CFAP52: variants seen among roughly 807,000 people sequenced by gnomAD.
CFAP52 encodes the protein cilia and flagella associated protein 52.
CFAP52 carries 57 observed loss-of-function variants against 70.5 expected under a neutral mutation model. The ratio of observed to expected loss-of-function variants is 0.81; its 90% CI spans 0.65 to 1.01. The LOEUF (loss-of-function observed/expected upper bound fraction) is 1.01, where lower values mean the gene tolerates loss of function less well. Among genes scored for constraint, CFAP52 ranks in the 50% least tolerant of loss-of-function variants. CFAP52 has a pLI of 0.00. For missense variants in CFAP52, 785 were observed against 788.5 expected, an observed-to-expected ratio of 1.00 and a Z score of 0.05; for synonymous variants, 267 against 292.5, an observed-to-expected ratio of 0.91 and a Z score of 0.89.
In CFAP52 at chr17:9,612,358, G is replaced by A; in HGVS notation, c.904G>A (p.Gly302Arg). 1 of 1,614,188 alleles carries A rather than the reference G, an allele frequency of 6.2e-7. No homozygotes were observed. Reference protein sequence around the residue: ...GITSITLRGEGHQFLVGTEES... With the variant: ...GITSITLRGERHQFLVGTEES... ...CACTTCTATCACACTTCGAGGAGAAGGACACCAGTTTCTCGTAGGAACAGA... is the reference window on the plus strand; with the variant it reads ...CACTTCTATCACACTTCGAGGAGAAAGACACCAGTTTCTCGTAGGAACAGA... Residue 302 changes from glycine (G) to arginine (R), a missense_variant, in exon 8 of 14, where the codon GGA becomes AGA. Coordinates refer to ENST00000352665, the MANE Select transcript of CFAP52 (RefSeq NM_145054.5).
downstream of CFAP52, chr17:9,645,445 T>C: frequency 2.5e-6 from 1 of 403,386 alleles, no homozygotes; most frequent in Admixed American, 5.2e-5. The surrounding 1 kb of genome is among the most constrained non-coding windows in gnomAD (Gnocchi z 6.8). Flanking sequence ...TGGAGGGGGC[T>C]GGTCGTGCCG....
At chr17:9,579,592 G>C (rs1388190636) in intron 1 of CFAP52, among the ~76,000 whole-genome samples, 1 of 152,094 alleles carries the variant, frequency 6.6e-6, no homozygotes, top group Non-Finnish European at 1.5e-5. Flanking sequence ...TTTTGAGATG[G>C]AGTCTCACCC....
At chr17:9,586,577 AAAAAAAAAG>A in intron 2 of CFAP52, 112 bp from the exon 3 acceptor site, 1 of 1,343,322 alleles carries the variant, frequency 7.4e-7, no homozygotes, top group African/African-American at 1.5e-5. Flanking sequence ...ACAAAAAAAA[AAAAAAAAAG>A]AAAGAAAAAA....
chr17:9,645,140 C>G (rs1439599974), downstream of CFAP52: 2 of 153,074 alleles, frequency 1.3e-5, no homozygotes, highest in Non-Finnish European at 2.9e-5. The surrounding 1 kb of genome is among the most constrained non-coding windows in gnomAD (Gnocchi z 6.8). Context: ...TCCCCACCCC[C>G]ACACAGCGCC....
intron 3 of CFAP52, among the ~76,000 whole-genome samples, chr17:9,591,059 T>G (rs1002885029): frequency 1.9e-5 from 2 of 102,586 alleles, no homozygotes; most frequent in Non-Finnish European, 3.7e-5. Context: ...TTTTTTGAGA[T>G]GGAGTTTCAC....
chr17:9,594,161 C>CTTT, intron 3 of CFAP52, 32 bp from the exon 4 acceptor site: 2 of 1,183,568 alleles, frequency 1.7e-6, no homozygotes, highest in Non-Finnish European at 2.3e-6. Flanking sequence ...TTCTCTTTGA[C>CTTT]TTTTTTTTTT....
chr17:9,623,613 T>C (rs2151945884), intron 8 of CFAP52, among the ~76,000 whole-genome samples: 2 of 152,332 alleles, frequency 1.3e-5, no homozygotes, highest in East Asian at 1.9e-4. Flanking sequence ...TTCTTTCTTA[T>C]ATATCTAAGT....
intron 8 of CFAP52, among the ~76,000 whole-genome samples, chr17:9,625,982 A>G (rs1371516332): frequency 6.6e-6 from 1 of 152,160 alleles, no homozygotes; most frequent in Non-Finnish European, 1.5e-5. Flanking sequence ...TGTATTGTTA[A>G]GGGCAAAATT....
chr17:9,595,161 T>C (rs988793567), intron 4 of CFAP52, among the ~76,000 whole-genome samples: 2 of 152,196 alleles, frequency 1.3e-5, no homozygotes, highest in African/African-American at 2.4e-5. Flanking sequence ...AGGTTAAATA[T>C]GAATTTTAGA....
intron 4 of CFAP52, among the ~76,000 whole-genome samples, chr17:9,596,057 G>GTGTA (rs1555541588): frequency 0.014 from 1,477 of 103,444 alleles, 35 homozygotes; most frequent in East Asian, 0.069. Flanking sequence ...ATATATGTGT[G>GTGTA]TGTATATATA....
rs188939658 is a variant in CFAP52, at chr17:9,576,894, G to C, written c.70+129G>C. ...GACAACGGCAGGAGCCCTGGCCAGG[G>C]ACACGCACAGGAGGACCCGCACAGC... On this transcript the variant is annotated intron_variant, in intron 1 of 13. Transcript: ENST00000352665. The C allele has an allele frequency of 3.8e-3, 3,624 of 963,282 alleles. 10 individuals are homozygous for C. The highest frequency in any genetic ancestry group is 5.0e-3 in the Non-Finnish European group (3,348 of 671,678). The allele number at this position is 963,282 out of a possible 1,614,324, so 59.7% of individuals were successfully genotyped here.
chr17:9,625,130 C>G (rs1387183428), intron 8 of CFAP52, among the ~76,000 whole-genome samples: 2 of 151,866 alleles, frequency 1.3e-5, no homozygotes, highest in African/African-American at 2.4e-5. Context: ...AACAAAAAAG[C>G]AACAAACAAA....
At position 9,604,864 on chromosome 17, in the gene CFAP52, C is replaced by T. The variant is rs1043972643; in HGVS notation, c.754-3255C>T. ...AAGATACTCTATGTCTTATATCAGC[C>T]GGGAAATGTAATTAAAACAGCAATG... is the stretch of plus-strand genomic sequence containing the variant. On this transcript the variant is annotated intron_variant, in intron 6 of 13. Transcript: ENST00000352665. 5.3e-5 allele frequency among the ~76,000 whole-genome samples: 8 copies of T among 151,992 alleles called. No homozygotes were observed. The South Asian group carries it at 6.2e-4, about 12-fold the overall frequency.
At chr17:9,630,522 C>A (rs1474137268) in intron 9 of CFAP52, among the ~76,000 whole-genome samples, 2 of 149,318 alleles carry the variant, frequency 1.3e-5, no homozygotes, top group African/African-American at 5.0e-5. Context: ...CTCCGCCTCC[C>A]GGGTTCACGC....
At chr17:9,640,785 A>T (rs1013191716) in intron 12 of CFAP52, among the ~76,000 whole-genome samples, 3 of 152,098 alleles carry the variant, frequency 2.0e-5, no homozygotes, top group African/African-American at 7.2e-5. Flanking sequence ...CTGGCACTAC[A>T]GGTGTGTGCC....
chr17:9,579,798 C>T (rs1597757666), intron 1 of CFAP52, among the ~76,000 whole-genome samples: 1 of 152,188 alleles, frequency 6.6e-6, no homozygotes, highest in Admixed American at 6.5e-5. Context: ...GAACTCCTGA[C>T]CTCAGGTGAT....
chr17:9,598,217 T>TG lies in CFAP52; in HGVS notation c.537-17_537-16insG, dbSNP rs1026748278. On this transcript the variant is annotated splice_polypyrimidine_tract_variant and intron_variant, in intron 4 of 13. Transcript: ENST00000352665. Reference sequence around the variant, plus strand: ...TGTCCATTTGATTGTGGTTTTTTGTTTTTTTTTTTTACATAGTGGGACAAT... The same window carrying TG: ...TGTCCATTTGATTGTGGTTTTTTGTTGTTTTTTTTTTACATAGTGGGACAAT... 6.0e-6 allele frequency: 9 copies of TG among 1,511,560 alleles called. No individual in the cohort carries two copies. The highest frequency in any genetic ancestry group is 1.9e-5 in the Admixed American group (1 of 51,856). The allele number at this position is 1,511,560 out of a possible 1,614,324, so 93.6% of individuals were successfully genotyped here.
chr17:9,582,701 A>G (rs1023063175), intron 1 of CFAP52, among the ~76,000 whole-genome samples: 4 of 152,208 alleles, frequency 2.6e-5, no homozygotes, highest in African/African-American at 9.6e-5. Flanking sequence ...CAGTGGCACA[A>G]TCTCAGCTCA....
At chr17:9,638,831 C>A in intron 12 of CFAP52, 120 bp downstream of exon 12, 2 of 908,226 alleles carry the variant, frequency 2.2e-6, no homozygotes, top group Non-Finnish European at 3.4e-6. Flanking sequence ...GGTCTGTCAT[C>A]AATCAGCCAT....
Sources: allele counts gnomAD v4.1 joint callset (sites outside exome capture counted in the v4.1 genomes callset), GRCh38; gene constraint gnomAD v4.1.1; non-coding constraint Gnocchi (gnomAD v3.1); transcripts MANE v1.5; gene names NCBI Gene and HGNC (gene_info 2026-07-23, HGNC 2026-07-21).